The following SGCD variants were observed in gnomAD, a reference collection of about 807,000 sequenced individuals.
The protein encoded by SGCD is delta-sarcoglycan.
Under a neutral mutation model 36.6 loss-of-function variants are expected in SGCD, and 18 were observed. That is an observed-to-expected ratio of 0.49 (90% CI 0.34 to 0.73). SGCD has a LOEUF of 0.73. Among genes scored for constraint, SGCD ranks in the 30% least tolerant of loss-of-function variants. The pLI is 0.01. For synonymous variants in SGCD, 133 were observed against 130.6 expected (o/e 1.02, Z -0.12); for missense variants, 387 against 346.7 (o/e 1.12, Z -0.92).
rs189571710 is a variant in SGCD at position 156,749,765 on chromosome 5, T to A, written c.576-7816T>A. Among the ~76,000 whole-genome samples, 1,026 of 152,246 alleles carry A rather than the reference T, an allele frequency of 6.7e-3. 5 individuals carry two copies. The highest frequency in any genetic ancestry group is 0.012 in the Non-Finnish European group (785 of 68,010). ...AAGAAACACAAAACCTCTATGAGGC[T>A]GTAATTATTTTTTGGTGGAAAAACA... On this transcript the variant is annotated intron_variant, in intron 7 of 8. Coordinates refer to ENST00000337851, the MANE Select transcript of SGCD (RefSeq NM_000337.6).
intron 3 of SGCD, among the ~76,000 whole-genome samples, chr5:156,433,853 T>G (rs1753130576): frequency 6.6e-6 from 1 of 152,188 alleles, no homozygotes; most frequent in Non-Finnish European, 1.5e-5. Context: ...GTGTCTCCCC[T>G]TGTGGTTACA....
chr5:156,080,627 TCCA>T (rs1199368579), intron 1 of SGCD, among the ~76,000 whole-genome samples: 1 of 152,184 alleles, frequency 6.6e-6, no homozygotes, highest in Non-Finnish European at 1.5e-5. Flanking sequence ...CCCTAAATAA[TCCA>T]TTTGAAGCCC....
intron 7 of SGCD, among the ~76,000 whole-genome samples, chr5:156,731,414 G>A (rs150638792): frequency 1.3e-5 from 2 of 152,222 alleles, no homozygotes; most frequent in African/African-American, 4.8e-5. Context: ...GAATTTTTGT[G>A]TATGATGTAA....
At chr5:155,783,869 G>A in the SGCD span, among the ~76,000 whole-genome samples, 1 of 152,164 alleles carries the variant, frequency 6.6e-6, no homozygotes, top group Non-Finnish European at 1.5e-5. Flanking sequence ...ACAGCTATAT[G>A]TATGCAAGAG....
At chr5:155,734,126 C>A in the SGCD span, among the ~76,000 whole-genome samples, 1 of 144,792 alleles carries the variant, frequency 6.9e-6, no homozygotes, top group African/African-American at 2.5e-5. Flanking sequence ...AATATTGTTA[C>A]TGATATTAAT....
At chr5:156,544,675 C>T (rs1045105507) in intron 4 of SGCD, among the ~76,000 whole-genome samples, 6 of 151,064 alleles carry the variant, frequency 4.0e-5, no homozygotes, top group African/African-American at 1.5e-4. Context: ...ATATGGGTAT[C>T]GAGTTGTTTC....
At chr5:156,546,617 A>C (rs1285291777) in intron 4 of SGCD, among the ~76,000 whole-genome samples, 2 of 152,204 alleles carry the variant, frequency 1.3e-5, no homozygotes, top group African/African-American at 4.8e-5. Context: ...GGAAAAAAAA[A>C]ATGAGATTAC....
intron 4 of SGCD, among the ~76,000 whole-genome samples, chr5:156,561,943 T>G (rs1236698589): frequency 2.0e-5 from 3 of 152,172 alleles, no homozygotes; most frequent in African/African-American, 7.2e-5. Context: ...ACCGTGAAGA[T>G]TAAATAAGAG....
chr5:156,204,617 T>A (rs1331784960), intron 3 of SGCD, among the ~76,000 whole-genome samples: 1 of 152,108 alleles, frequency 6.6e-6, no homozygotes, highest in African/African-American at 2.4e-5. Context: ...TATGTCACCC[T>A]TCTCAGCCTC....
intron 1 of SGCD, among the ~76,000 whole-genome samples, chr5:155,896,121 CAGAG>C (rs1294756119): frequency 7.9e-5 from 12 of 152,130 alleles, no homozygotes; most frequent in Non-Finnish European, 1.3e-4. Flanking sequence ...ACATCCATAA[CAGAG>C]AGCCCTTTAT....
intron 7 of SGCD, among the ~76,000 whole-genome samples, chr5:156,684,903 T>C (rs1753850876): frequency 6.6e-6 from 1 of 152,144 alleles, no homozygotes; most frequent in Non-Finnish European, 1.5e-5. Context: ...AGTAGAAATA[T>C]CTAGTAATCA....
At chr5:155,986,907 G>T (rs879831179) in intron 1 of SGCD, among the ~76,000 whole-genome samples, 5 of 152,152 alleles carry the variant, frequency 3.3e-5, no homozygotes, top group Non-Finnish European at 5.9e-5. Context: ...AGGAACTGGG[G>T]TGGATCTTAG....
intron 3 of SGCD, among the ~76,000 whole-genome samples, chr5:156,379,011 T>G (rs1580898014): frequency 1.3e-5 from 2 of 152,302 alleles, no homozygotes; most frequent in East Asian, 3.9e-4. Context: ...TCTACTTCCA[T>G]TTCATCTACT....
chr5:156,508,424 C>T (rs1215695482), intron 3 of SGCD, among the ~76,000 whole-genome samples, 177 bp from the exon 4 acceptor site: 4 of 151,882 alleles, frequency 2.6e-5, no homozygotes, highest in African/African-American at 7.3e-5. Flanking sequence ...AGATAATATG[C>T]ATAACTGCAT....
chr5:156,352,131 A>G (rs945189197), intron 3 of SGCD, among the ~76,000 whole-genome samples: 5 of 152,350 alleles, frequency 3.3e-5, no homozygotes, highest in East Asian at 3.9e-4. Context: ...CCTGGCCTCA[A>G]AGACCTTCCA....
the SGCD span, among the ~76,000 whole-genome samples, chr5:155,759,494 T>C: frequency 2.0e-5 from 3 of 152,212 alleles, no homozygotes; most frequent in African/African-American, 7.2e-5. Flanking sequence ...TTTGAAAAAC[T>C]GTTTCTGAGA....
chr5:155,761,818 TTCCATCACCTTC>T, the SGCD span, among the ~76,000 whole-genome samples: 2 of 145,424 alleles, frequency 1.4e-5, no homozygotes. Context: ...CCATCAACCT[TTCCATCACCTTC>T]TCCATCATCC....
At chr5:155,982,897 C>A (rs988585884) in intron 1 of SGCD, among the ~76,000 whole-genome samples, 2 of 152,018 alleles carry the variant, frequency 1.3e-5, no homozygotes, top group African/African-American at 4.8e-5. Context: ...TAACACAGTC[C>A]TAAGTTTTGT....
At chr5:156,083,420 G>T (rs999587592) in intron 1 of SGCD, among the ~76,000 whole-genome samples, 1 of 151,268 alleles carries the variant, frequency 6.6e-6, no homozygotes, top group African/African-American at 2.4e-5. Context: ...ACAGCCTCCC[G>T]AGTAGCTGGG....
Sources: allele counts gnomAD v4.1 joint callset (sites outside exome capture counted in the v4.1 genomes callset), GRCh38; gene constraint gnomAD v4.1.1; transcripts MANE v1.5; gene names NCBI Gene and HGNC (gene_info 2026-07-23, HGNC 2026-07-21).